Variants in POLD3 observed in about 807,000 individuals in gnomAD.
POLD3 encodes DNA polymerase delta 3, accessory subunit, also known as DNA polymerase delta subunit 3.
POLD3 carries 19 observed loss-of-function variants against 58.2 expected under a neutral mutation model. The ratio of observed to expected loss-of-function variants is 0.33; its 90% CI spans 0.23 to 0.48. The LOEUF is 0.48. Among genes scored for constraint, POLD3 ranks in the 20% least tolerant of loss-of-function variants. The pLI is 0.99. For missense variants in POLD3, 504 were observed against 545.5 expected (o/e 0.92, Z 0.76); for synonymous variants, 172 against 193.5 (o/e 0.89, Z 0.92).
chr11:74,604,472 T>C, intron 2 of POLD3: 1 of 490,922 alleles, frequency 2.0e-6, no homozygotes, highest in Non-Finnish European at 3.6e-6. Flanking sequence ...AATGTACTGA[T>C]CACTGTGCCA....
Position 74,662,308 on chromosome 11 carries a change from C to T in POLD3, c.370-6469C>T, listed in dbSNP as rs559761833. ...TGTGCTGGGTCTCACCTGAAGCCAG[C>T]ATGTCTCAGAGTCTCACCAAGGCCC... is the stretch of plus-strand genomic sequence containing the variant. On this transcript the variant is annotated intron_variant, in intron 4 of 4. Coordinates refer to the POLD3 transcript ENST00000524752. Among the ~76,000 whole-genome samples, 12 of 152,232 alleles carry T rather than the reference C, an allele frequency of 7.9e-5. No homozygotes were observed. In the South Asian group the frequency reaches 2.5e-3, roughly 32 times the overall value.
Position 74,618,765 on chromosome 11 carries a change from C to T in POLD3, c.621C>T (p.Thr207=). 6.2e-7 allele frequency: 1 copy of T among 1,613,728 alleles called. No homozygotes were observed. Among genetic ancestry groups the T allele is most frequent in the African/African-American group, 1.3e-5 (1 of 75,038 alleles). The change falls in exon 6 of 12, where the codon ACC becomes ACT. Residue 207 remains threonine, a synonymous_variant. Coordinates refer to ENST00000263681, the MANE Select transcript of POLD3 (RefSeq NM_006591.3). The stretch of plus-strand genomic sequence containing the variant: ...AAGCTGCTGCTAAAACCCAAGAAAC[C>T]AACAAGGAAACGAAAACAGAGGCTA... ...ASKAAAKTQE[T]NKETKTEAKE...
At chr11:74,616,005 GAAA>G (rs1288563586) in intron 5 of POLD3, among the ~76,000 whole-genome samples, 1 of 151,926 alleles carries the variant, frequency 6.6e-6, no homozygotes, top group Non-Finnish European at 1.5e-5. Context: ...AGGATTTCAA[GAAA>G]ATATTAACAC....
intron 9 of POLD3, 63 bp from the exon 10 acceptor site, chr11:74,634,520 G>A: frequency 1.1e-6 from 1 of 895,360 alleles, no homozygotes; most frequent in East Asian, 2.4e-5. Flanking sequence ...AGAACCAATG[G>A]AGAAGGCTTT....
intron 9 of POLD3, among the ~76,000 whole-genome samples, chr11:74,633,272 C>A (rs1427644237): frequency 6.6e-6 from 1 of 152,130 alleles, no homozygotes; most frequent in African/African-American, 2.4e-5. Flanking sequence ...TTTGACTTTT[C>A]TCTTGCCTGA....
At chr11:74,609,390 T>A (rs1465423769) in intron 3 of POLD3, among the ~76,000 whole-genome samples, 5 of 29,392 alleles carry the variant, frequency 1.7e-4, no homozygotes, top group Non-Finnish European at 2.8e-4. Context: ...TTTTTTTTTT[T>A]TTTTTTTTGA....
downstream of POLD3, among the ~76,000 whole-genome samples, chr11:74,647,724 A>G (rs896675886): frequency 3.3e-5 from 5 of 152,226 alleles, no homozygotes; most frequent in Admixed American, 6.5e-5. Context: ...AAGGCAAAAA[A>G]ACATGTACAT....
At chr11:74,657,555 T>G (rs575070500) in intron 4 of POLD3, among the ~76,000 whole-genome samples, 1 of 152,314 alleles carries the variant, frequency 6.6e-6, no homozygotes, top group South Asian at 2.1e-4. Flanking sequence ...ACTACACTTT[T>G]TGTCTCCCCA....
chr11:74,613,045 C>T (rs1466145267), intron 5 of POLD3, 35 bp downstream of exon 5: 8 of 1,584,134 alleles, frequency 5.1e-6, no homozygotes, highest in African/African-American at 2.7e-5. Flanking sequence ...GGCTTCTTTA[C>T]GAATTGATTT....
At chr11:74,662,065 A>T (rs2033212647) in intron 4 of POLD3, among the ~76,000 whole-genome samples, 1 of 150,252 alleles carries the variant, frequency 6.7e-6, no homozygotes, top group Non-Finnish European at 1.5e-5. Flanking sequence ...CAGGCCTGGG[A>T]CTCGCCCTTC....
At chr11:74,619,059 G>A (rs2032169791) in intron 6 of POLD3, among the ~76,000 whole-genome samples, 1 of 152,170 alleles carries the variant, frequency 6.6e-6, no homozygotes, top group African/African-American at 2.4e-5. Flanking sequence ...TTACAAGATT[G>A]TTGTGAAACC....
rs540966428 is a variant in POLD3, at chr11:74,610,268, T to C, written c.220-1231T>C. Among the ~76,000 whole-genome samples, 9 of 151,934 alleles carry C rather than the reference T, an allele frequency of 5.9e-5. No individual in the cohort carries two copies. The South Asian group carries it at 1.9e-3, about 32-fold the overall frequency. On this transcript the variant is annotated intron_variant, in intron 3 of 11. Coordinates refer to ENST00000263681, the MANE Select transcript of POLD3 (RefSeq NM_006591.3). ...ACTCTGTCACCAGGCTGGAGTGCAG[T>C]GGCACGATCTCAGCTCACTGCAACC... is the stretch of plus-strand genomic sequence containing the variant.
At chr11:74,605,975 T>G (rs2031661566) in intron 3 of POLD3, among the ~76,000 whole-genome samples, 1 of 152,128 alleles carries the variant, frequency 6.6e-6, no homozygotes, top group Admixed American at 6.6e-5. Flanking sequence ...TCCCAGCTAC[T>G]CAGGAGGCTG....
At chr11:74,609,776 C>CT (rs1020002509) in intron 3 of POLD3, among the ~76,000 whole-genome samples, 2 of 151,922 alleles carry the variant, frequency 1.3e-5, no homozygotes, top group East Asian at 1.9e-4. Context: ...TTACACTCTG[C>CT]TTTTTTTTAC....
At chr11:74,625,301 T>C (rs1255600389) in intron 7 of POLD3, 107 bp from the exon 8 acceptor site, 3 of 807,174 alleles carry the variant, frequency 3.7e-6, no homozygotes, top group Non-Finnish European at 5.8e-6. Flanking sequence ...AGCTCCTTTT[T>C]GCCCCTGCTC....
chr11:74,639,889 G>A (rs1000840151), intron 11 of POLD3, among the ~76,000 whole-genome samples: 2 of 152,178 alleles, frequency 1.3e-5, no homozygotes. Context: ...TGTGTCATCC[G>A]ATAGCATTTG....
At chr11:74,601,727 A>G (rs1212729344) in intron 2 of POLD3, among the ~76,000 whole-genome samples, 5 of 152,162 alleles carry the variant, frequency 3.3e-5, no homozygotes, top group African/African-American at 7.2e-5. Context: ...ATTCAAGGTT[A>G]TAGAGAGCTG....
At chr11:74,647,866 A>G (rs1008172977), downstream of POLD3, among the ~76,000 whole-genome samples, 5 of 152,196 alleles carry the variant, frequency 3.3e-5, no homozygotes, top group African/African-American at 1.2e-4. Flanking sequence ...AGAGACAGAC[A>G]AATATGCTAT....
chr11:74,645,370 C>G (rs2032986472), downstream of POLD3, among the ~76,000 whole-genome samples: 1 of 152,148 alleles, frequency 6.6e-6, no homozygotes, highest in African/African-American at 2.4e-5. Flanking sequence ...GACGAGAAAG[C>G]AAGCAGTTAT....
Sources: allele counts gnomAD v4.1 joint callset (sites outside exome capture counted in the v4.1 genomes callset), GRCh38; gene constraint gnomAD v4.1.1; transcripts MANE v1.5; gene names NCBI Gene and HGNC (gene_info 2026-07-23, HGNC 2026-07-21).